The following ANKS1B variants were observed in gnomAD, a reference collection of about 807,000 sequenced individuals.
ANKS1B encodes ankyrin repeat and sterile alpha motif domain-containing protein 1B.
Under a neutral mutation model 148.3 loss-of-function variants are expected in ANKS1B, and 36 were observed. That is an observed-to-expected ratio of 0.24 (90% CI 0.19 to 0.32). ANKS1B has a LOEUF of 0.32. Among genes scored for constraint, ANKS1B ranks in the 10% least tolerant of loss-of-function variants. ANKS1B has a pLI of 1.00. For missense variants in ANKS1B, 1,157 were observed against 1,542.6 expected (o/e 0.75, Z 4.19); for synonymous variants, 542 against 560.8 (o/e 0.97, Z 0.47).
At chr12:99,824,077 C>CTT (rs970158741) in intron 2 of ANKS1B, among the ~76,000 whole-genome samples, 14 of 152,158 alleles carry the variant, frequency 9.2e-5, no homozygotes, top group African/African-American at 3.4e-4. Flanking sequence ...TATTTGAGCT[C>CTT]TTTTTTTAAA....
intron 17 of ANKS1B, among the ~76,000 whole-genome samples, chr12:98,874,303 G>GAA (rs550763039): frequency 2.7e-4 from 40 of 148,188 alleles, no homozygotes; most frequent in Non-Finnish European, 3.6e-4. Flanking sequence ...TTTATGAAGG[G>GAA]AAAAAAAAAA....
At chr12:99,044,913 G>A (rs148681612) in intron 17 of ANKS1B, among the ~76,000 whole-genome samples, 5 of 152,188 alleles carry the variant, frequency 3.3e-5, no homozygotes, top group African/African-American at 9.6e-5. Context: ...TCAACATACC[G>A]AGGGGCGGAT....
intron 16 of ANKS1B, among the ~76,000 whole-genome samples, chr12:99,057,532 C>T (rs765858192): frequency 6.6e-6 from 1 of 152,216 alleles, no homozygotes; most frequent in Non-Finnish European, 1.5e-5. Context: ...CTCTCCCCTT[C>T]AGCCGACAGT....
chr12:99,581,753 C>T (rs1460133549), intron 9 of ANKS1B, among the ~76,000 whole-genome samples: 2 of 151,476 alleles, frequency 1.3e-5, no homozygotes, highest in Admixed American at 6.6e-5. Context: ...TAGCCGGGCG[C>T]GGTGGCGGGC....
At chr12:99,258,320 A>C (rs968742158) in intron 12 of ANKS1B, among the ~76,000 whole-genome samples, 1 of 152,104 alleles carries the variant, frequency 6.6e-6, no homozygotes, top group African/African-American at 2.4e-5. Context: ...AATAAAGCAA[A>C]TCCTTTTAAA....
At chr12:99,121,318 G>GGGGTGTGTGTGTGTGT (rs796549235) in intron 15 of ANKS1B, among the ~76,000 whole-genome samples, 8,258 of 105,746 alleles carry the variant, frequency 0.078, 468 homozygotes, top group East Asian at 0.11. Flanking sequence ...TGTGTATGTA[G>GGGGTGTGTGTGTGTGT]GTATGTGTGT....
intron 1 of ANKS1B, among the ~76,000 whole-genome samples, chr12:99,934,881 T>C (rs2094719413): frequency 6.6e-6 from 1 of 152,114 alleles, no homozygotes; most frequent in African/African-American, 2.4e-5. Flanking sequence ...TGTCTAAGTA[T>C]AGAATCTCTA....
intron 17 of ANKS1B, among the ~76,000 whole-genome samples, chr12:98,902,319 C>T (rs901639504): frequency 2.0e-5 from 3 of 152,178 alleles, no homozygotes; most frequent in Non-Finnish European, 2.9e-5. Flanking sequence ...TGGTAAGTAC[C>T]TCATCCTTCC....
At chr12:99,541,716 G>A (rs1042833481) in intron 9 of ANKS1B, among the ~76,000 whole-genome samples, 7 of 152,028 alleles carry the variant, frequency 4.6e-5, no homozygotes, top group Non-Finnish European at 5.9e-5. Flanking sequence ...TTATCTGGGT[G>A]TGGTGGCAGA....
chr12:99,275,859 G>T (rs1423118475), intron 12 of ANKS1B, among the ~76,000 whole-genome samples: 2 of 152,188 alleles, frequency 1.3e-5, no homozygotes, highest in African/African-American at 4.8e-5. Flanking sequence ...ATCTGTCACA[G>T]TCTGTGATAG....
At chr12:98,927,296 A>T (rs2099809531) in intron 17 of ANKS1B, among the ~76,000 whole-genome samples, 1 of 152,154 alleles carries the variant, frequency 6.6e-6, no homozygotes, top group South Asian at 2.1e-4. Context: ...TCCTCAGATA[A>T]ACTGAGGGAA....
At chr12:98,859,458 A>C (rs2152113332) in intron 17 of ANKS1B, among the ~76,000 whole-genome samples, 1 of 152,350 alleles carries the variant, frequency 6.6e-6, no homozygotes, top group South Asian at 2.1e-4. Context: ...AGGAAACCTA[A>C]GAGCCACAAA....
intron 17 of ANKS1B, among the ~76,000 whole-genome samples, chr12:98,976,081 T>G (rs1211272027): frequency 6.6e-6 from 1 of 152,240 alleles, no homozygotes; most frequent in Non-Finnish European, 1.5e-5. Flanking sequence ...AAAACAATCA[T>G]GTCTATAAGA....
Position 99,443,766 on chromosome 12 carries a change from G to A in ANKS1B, c.1482C>T (p.Asn494=), listed in dbSNP as rs1043929619. ...EVAVTTPGTS[N]HRNSSTGPTP... ...TTGGGCCTGTTGAGCTGTTTCTATG[G>A]TTACTAGTTCCTGGAGTAGTAACTG... is the stretch of plus-strand genomic sequence containing the variant. The change falls in exon 11 of 27, where the codon AAC becomes AAT. Residue 494 remains asparagine (N), a synonymous_variant. Coordinates refer to ENST00000683438, the MANE Select transcript of ANKS1B (RefSeq NM_001352186.2). 6.8e-6 allele frequency: 11 copies of A among 1,611,704 alleles called. No individual in the cohort carries two copies. In the African/African-American group the frequency reaches 1.5e-4, roughly 22 times the overall value.
At chr12:98,888,268 T>C (rs1368679423) in intron 17 of ANKS1B, among the ~76,000 whole-genome samples, 1 of 152,250 alleles carries the variant, frequency 6.6e-6, no homozygotes, top group Non-Finnish European at 1.5e-5. Context: ...TGTATTTTCC[T>C]GTGTTTTTAA....
intron 12 of ANKS1B, among the ~76,000 whole-genome samples, chr12:99,267,325 T>C (rs917821112): frequency 5.3e-5 from 8 of 152,294 alleles, no homozygotes; most frequent in South Asian, 2.1e-4. Flanking sequence ...GAAATAATTT[T>C]ATGCCTAATT....
chr12:99,362,251 G>A (rs11109810), intron 12 of ANKS1B, among the ~76,000 whole-genome samples: 13,135 of 151,894 alleles, frequency 0.086, 1,161 homozygotes, highest in East Asian at 0.5. Flanking sequence ...TATACTCACC[G>A]CCAACATTAG....
intron 17 of ANKS1B, among the ~76,000 whole-genome samples, chr12:99,000,984 T>C (rs548782033): frequency 1.3e-4 from 20 of 152,122 alleles, no homozygotes; most frequent in African/African-American, 2.4e-4. Flanking sequence ...TGTGTGTGTG[T>C]GCGCGCGTGC....
At chr12:99,788,810 A>C (rs184849430) in intron 4 of ANKS1B, among the ~76,000 whole-genome samples, 1 of 152,176 alleles carries the variant, frequency 6.6e-6, no homozygotes, top group Admixed American at 6.5e-5. Context: ...TTAAGTAAAC[A>C]TTGGCAGTGA....
Sources: allele counts gnomAD v4.1 joint callset (sites outside exome capture counted in the v4.1 genomes callset), GRCh38; gene constraint gnomAD v4.1.1; transcripts MANE v1.5; gene names NCBI Gene and HGNC (gene_info 2026-07-23, HGNC 2026-07-21).